STARD13: variants seen among roughly 807,000 people sequenced by gnomAD.
STARD13 encodes the protein StAR related lipid transfer domain containing 13.
STARD13 carries 62 observed loss-of-function variants against 106.4 expected under a neutral mutation model. The ratio of observed to expected loss-of-function variants is 0.58; its 90% CI spans 0.48 to 0.72. STARD13 has a LOEUF of 0.72. Among genes scored for constraint, STARD13 ranks in the 30% least tolerant of loss-of-function variants. STARD13 has a pLI of 0.00. For missense variants in STARD13, 1,387 were observed against 1,424.0 expected, an observed-to-expected ratio of 0.97 and a Z score of 0.42; for synonymous variants, 565 against 553.0, an observed-to-expected ratio of 1.02 and a Z score of -0.31.
the STARD13 span, among the ~76,000 whole-genome samples, chr13:33,601,764 C>T: frequency 6.6e-6 from 1 of 152,136 alleles, no homozygotes; most frequent in Admixed American, 6.5e-5. Flanking sequence ...CTTCCTTTCA[C>T]CATGTTCCGG....
At chr13:33,541,102 T>A in the STARD13 span, among the ~76,000 whole-genome samples, 5 of 152,056 alleles carry the variant, frequency 3.3e-5, no homozygotes, top group African/African-American at 1.2e-4. Flanking sequence ...TATAGTATAA[T>A]GGTAGCAAAA....
rs983966847 is a variant in STARD13, at chr13:33,167,312, C to T, written c.241+239G>A. ...AAGGAAAACGTCGAGTTGGGGTTTG[C>T]GGTAAAGAGATGGGAATTAGTAGTG... On this transcript the variant is annotated intron_variant, in intron 2 of 13. Transcript: ENST00000336934. 9.2e-5 allele frequency among the ~76,000 whole-genome samples: 14 copies of T among 151,970 alleles called. 1 individual carries two copies. The highest frequency in any genetic ancestry group is 2.7e-4 in the African/African-American group (11 of 41,462).
the STARD13 span, among the ~76,000 whole-genome samples, chr13:33,392,374 A>G: frequency 6.6e-6 from 1 of 152,200 alleles, no homozygotes; most frequent in Middle Eastern, 3.4e-3. Flanking sequence ...TTCATATTTG[A>G]TCCGATGAGG....
chr13:33,151,313 C>T (rs1049200007), intron 3 of STARD13, among the ~76,000 whole-genome samples: 12 of 152,122 alleles, frequency 7.9e-5, no homozygotes, highest in African/African-American at 2.7e-4. Flanking sequence ...TGGTGTTGGC[C>T]TCTGCTTCTG....
At chr13:33,347,533 C>T (rs2078030460), downstream of STARD13, among the ~76,000 whole-genome samples, 1 of 152,228 alleles carries the variant, frequency 6.6e-6, no homozygotes. Flanking sequence ...AGGCATGAGC[C>T]ACCACGCCTG....
chr13:33,669,355 C>G, the STARD13 span, among the ~76,000 whole-genome samples: 11 of 152,112 alleles, frequency 7.2e-5, no homozygotes, highest in African/African-American at 2.7e-4. Context: ...TTCATCCCCT[C>G]CTGAGTCTTT....
the STARD13 span, among the ~76,000 whole-genome samples, chr13:33,386,831 G>A: frequency 6.6e-6 from 1 of 152,018 alleles, no homozygotes; most frequent in Non-Finnish European, 1.5e-5. Flanking sequence ...CATATTGACT[G>A]CTCCACCAAG....
chr13:33,397,079 C>T, the STARD13 span, among the ~76,000 whole-genome samples: 1 of 152,102 alleles, frequency 6.6e-6, no homozygotes, highest in Non-Finnish European at 1.5e-5. Context: ...TAGAGGATCT[C>T]CTTGAGTCCA....
At chr13:33,553,407 C>T in the STARD13 span, among the ~76,000 whole-genome samples, 12 of 151,408 alleles carry the variant, frequency 7.9e-5, no homozygotes, top group African/African-American at 2.9e-4. Context: ...TGTTAAATGA[C>T]ATAGGACGTA....
the STARD13 span, among the ~76,000 whole-genome samples, chr13:33,505,140 A>G: frequency 6.6e-6 from 1 of 152,162 alleles, no homozygotes; most frequent in African/African-American, 2.4e-5. Context: ...CAGAAAGAAA[A>G]TAAACATTTA....
the STARD13 span, among the ~76,000 whole-genome samples, chr13:33,652,929 A>G: frequency 2.0e-5 from 3 of 152,174 alleles, no homozygotes; most frequent in African/African-American, 7.2e-5. Flanking sequence ...ATAAGGTATG[A>G]CATCAAAAGA....
upstream of STARD13, chr13:33,285,857 G>A (rs897528092): frequency 2.7e-6 from 3 of 1,119,330 alleles, no homozygotes; most frequent in Middle Eastern, 3.2e-4. Context: ...AAATGGGAAC[G>A]TTTGCAGTCA....
intron 1 of STARD13, among the ~76,000 whole-genome samples, chr13:33,252,389 C>T (rs1236929755): frequency 1.3e-5 from 2 of 152,236 alleles, no homozygotes; most frequent in African/African-American, 2.4e-5. Flanking sequence ...AATAGCTGCA[C>T]AACAGCCCTC....
chr13:33,381,930 A>T, the STARD13 span, among the ~76,000 whole-genome samples: 5 of 152,252 alleles, frequency 3.3e-5, no homozygotes, highest in South Asian at 2.1e-4. Context: ...AATTTCCCAC[A>T]CCTGCCCCCT....
chr13:33,475,432 A>G, the STARD13 span, among the ~76,000 whole-genome samples: 13 of 152,112 alleles, frequency 8.5e-5, no homozygotes. Flanking sequence ...TGTCCTACGC[A>G]TTTCCAACAA....
At chr13:33,181,116 G>A (rs1354353994) in intron 1 of STARD13, among the ~76,000 whole-genome samples, 1 of 152,108 alleles carries the variant, frequency 6.6e-6, no homozygotes, top group South Asian at 2.1e-4. Context: ...CCTCTAAGGT[G>A]CTCTCCCTTA....
At chr13:33,661,242 T>C in the STARD13 span, 1 of 152,332 alleles carries the variant, frequency 6.6e-6, no homozygotes, top group South Asian at 2.1e-4. Context: ...AATTGTAATG[T>C]CAAGGATACA....
Position 33,273,217 on chromosome 13 carries a change from T to C in STARD13, c.169+12253A>G, listed in dbSNP as rs76255282. ...TTCCTAATACAAGACTATAATTTCA[T>C]TGGACACCTGTCTTCAAAATGACAA... On this transcript the variant is annotated intron_variant, in intron 1 of 13. Coordinates refer to ENST00000336934, the MANE Select transcript of STARD13 (RefSeq NM_178006.4). Among the ~76,000 whole-genome samples, 414 of 152,344 alleles carry C rather than the reference T, an allele frequency of 2.7e-3. 2 individuals carry two copies. Among genetic ancestry groups the C allele is most frequent in the African/African-American group, 8.3e-3 (346 of 41,582 alleles).
intron 1 of STARD13, among the ~76,000 whole-genome samples, chr13:33,199,925 C>T (rs1886898926): frequency 6.6e-6 from 1 of 152,208 alleles, no homozygotes. Context: ...GTGGGAAGAA[C>T]AGCGGTTCTC....
Sources: allele counts gnomAD v4.1 joint callset (sites outside exome capture counted in the v4.1 genomes callset), GRCh38; gene constraint gnomAD v4.1.1; transcripts MANE v1.5; gene names NCBI Gene and HGNC (gene_info 2026-07-23, HGNC 2026-07-21).